The following PCDHGB1 variants were observed in gnomAD, a reference collection of about 807,000 sequenced individuals.
The protein encoded by PCDHGB1 is protocadherin gamma subfamily B, 1.
A neutral mutation model predicts 56.6 loss-of-function variants in PCDHGB1; 34 were observed. That is an observed-to-expected ratio of 0.60 (90% CI 0.46 to 0.80). PCDHGB1 has a LOEUF of 0.80. Among genes scored for constraint, PCDHGB1 ranks in the 30% least tolerant of loss-of-function variants. PCDHGB1 has a pLI of 0.00. For synonymous variants in PCDHGB1, 561 were observed against 505.9 expected, an observed-to-expected ratio of 1.11 and a Z score of -1.46; for missense variants, 1,278 against 1,204.6, an observed-to-expected ratio of 1.06 and a Z score of -0.90.
chr5:141,387,717 C>T (rs2091056709), intron 1 of PCDHGB1: 1 of 1,093,268 alleles, frequency 9.1e-7, no homozygotes, highest in African/African-American at 1.6e-5. Context: ...CCAGCTCAGA[C>T]TCCCCAGCGC....
rs560084217 is a variant in PCDHGB1 at position 141,395,247 on chromosome 5, G to A, written c.2409+42578G>A. On this transcript the variant is annotated intron_variant, in intron 1 of 3. Transcript: ENST00000523390. ...AGCTGATCATGGTCAGGTGAGTTTA[G>A]TTCTTTGCTTGCTTTTAATTTCCAG... 4 of 1,561,194 alleles carry A rather than the reference G, an allele frequency of 2.6e-6. No individual in the cohort carries two copies. The East Asian group carries it at 9.1e-5, about 35-fold the overall frequency.
rs1193457334 is a variant in PCDHGB1 at position 141,375,486 on chromosome 5, G to T, written c.2409+22817G>T. The T allele has an allele frequency of 5.0e-6, 8 of 1,613,914 alleles. No homozygotes were observed. Among genetic ancestry groups the T allele is most frequent in the Non-Finnish European group, 6.8e-6 (8 of 1,179,980 alleles). ...TATGTCCTTGAAAACAACCCCAGGG[G>T]TGCCTCCATCTTCTCTGTGAATGCA... is the stretch of plus-strand genomic sequence containing the variant. On this transcript the variant is annotated intron_variant, in intron 1 of 3. Coordinates refer to ENST00000523390, the MANE Select transcript of PCDHGB1 (RefSeq NM_018922.3).
chr5:141,392,615 C>A (rs2092564205), intron 1 of PCDHGB1: 1 of 536,798 alleles, frequency 1.9e-6, no homozygotes, highest in Non-Finnish European at 3.2e-6. Context: ...CAAATGCAAC[C>A]GAAAACACTC....
intron 2 of PCDHGB1, among the ~76,000 whole-genome samples, chr5:141,505,122 A>G (rs2099843899): frequency 6.6e-6 from 1 of 152,194 alleles, no homozygotes; most frequent in Non-Finnish European, 1.5e-5. Context: ...AGATCGCGCC[A>G]CTGCACTCCA....
intron 1 of PCDHGB1, chr5:141,414,677 A>AG: frequency 1.9e-6 from 3 of 1,613,794 alleles, no homozygotes; most frequent in South Asian, 2.2e-5. Flanking sequence ...GACACCATCC[A>AG]GGGGGTACCT....
intron 1 of PCDHGB1, chr5:141,403,095 T>A (rs754367041): frequency 6.2e-7 from 1 of 1,614,026 alleles, no homozygotes; most frequent in East Asian, 2.2e-5. Flanking sequence ...GTGGGCAACA[T>A]CTCCAAGGAC....
At chr5:141,389,562 G>C in intron 1 of PCDHGB1, 1 of 1,613,284 alleles carries the variant, frequency 6.2e-7, no homozygotes, top group Middle Eastern at 1.7e-4. Context: ...TGCGCCACGG[G>C]TGCTGTACCC....
At chr5:141,390,348 A>G in intron 1 of PCDHGB1, 1 of 1,572,378 alleles carries the variant, frequency 6.4e-7, no homozygotes, top group Middle Eastern at 1.7e-4. Flanking sequence ...ACAAGAAAAT[A>G]TACATATTTG....
At chr5:141,453,046 T>C (rs1561950003) in intron 1 of PCDHGB1, among the ~76,000 whole-genome samples, 1 of 152,186 alleles carries the variant, frequency 6.6e-6, no homozygotes, top group Non-Finnish European at 1.5e-5. Context: ...GTTTCTATTA[T>C]GTGCAGTTTT....
intron 1 of PCDHGB1, chr5:141,414,096 A>G (rs2095708665): frequency 1.9e-6 from 3 of 1,595,210 alleles, no homozygotes; most frequent in Middle Eastern, 3.3e-4. Context: ...AAATAAAAAT[A>G]TCAGAAAATC....
chr5:141,499,570 A>G (rs1027373056), intron 2 of PCDHGB1, among the ~76,000 whole-genome samples: 2 of 152,200 alleles, frequency 1.3e-5, no homozygotes, highest in African/African-American at 4.8e-5. Context: ...TCCAGCTTCA[A>G]CTAATGCCTT....
In PCDHGB1 at chr5:141,477,097, G is replaced by A; in HGVS notation, c.2410-17710G>A. ...AGATTTACATCCAGGCCAAAGACAAGGGCGCCAATCCCGAAGGAGCACATT... is the reference window on the plus strand; with the variant it reads ...AGATTTACATCCAGGCCAAAGACAAAGGCGCCAATCCCGAAGGAGCACATT... On this transcript the variant is annotated intron_variant, in intron 1 of 3. Transcript: ENST00000523390. This position sits in a 1 kb window ranked among gnomAD's most constrained non-coding sequence, Gnocchi z 4.9. 1 of 1,614,242 alleles carries A rather than the reference G, an allele frequency of 6.2e-7. No homozygotes were observed. Among genetic ancestry groups the A allele is most frequent in the South Asian group, 1.1e-5 (1 of 91,088 alleles).
chr5:141,469,283 T>C (rs576231993), intron 1 of PCDHGB1, among the ~76,000 whole-genome samples: 1 of 149,898 alleles, frequency 6.7e-6, no homozygotes, highest in African/African-American at 2.5e-5. Flanking sequence ...TCTCAAAAAA[T>C]AAAACAAAAT....
chr5:141,426,970 A>G (rs772659046), intron 1 of PCDHGB1: 1 of 456,742 alleles, frequency 2.2e-6, no homozygotes. Context: ...ATTCAAATTG[A>G]GGTCACTGAT....
At chr5:141,364,327 G>A (rs1433768344) in intron 1 of PCDHGB1, 9 of 1,529,608 alleles carry the variant, frequency 5.9e-6, no homozygotes, top group South Asian at 1.3e-5. Context: ...GCAGAGAGAA[G>A]GCAATGGCGA....
intron 1 of PCDHGB1, chr5:141,366,048 C>A (rs777611384): frequency 1.2e-6 from 2 of 1,614,144 alleles, no homozygotes; most frequent in Non-Finnish European, 1.7e-6. Flanking sequence ...GACGGTTCCA[C>A]GGGCGTGGAG....
At chr5:141,415,312 A>G (rs1245475147) in intron 1 of PCDHGB1, 1 of 1,614,222 alleles carries the variant, frequency 6.2e-7, no homozygotes, top group Non-Finnish European at 8.5e-7. Context: ...GGCCTTCGTC[A>G]TCGTGCTGCT....
In PCDHGB1 at chr5:141,432,002, G is replaced by A. The variant is rs781525225; in HGVS notation, c.2410-62805G>A. On this transcript the variant is annotated intron_variant, in intron 1 of 3. Transcript: ENST00000523390. This position sits in a 1 kb window ranked among gnomAD's most constrained non-coding sequence, Gnocchi z 6.0. ...AGACATAGTCTTGGATAGGGAACAG[G>A]TTCCTAGCTACAACATCACAGTGAC... The A allele has an allele frequency of 1.9e-6, 3 of 1,614,186 alleles. No homozygotes were observed. In the South Asian group the frequency reaches 3.3e-5, roughly 18 times the overall value.
intron 1 of PCDHGB1, among the ~76,000 whole-genome samples, chr5:141,354,850 CATTGCAA>C (rs1018068182): frequency 3.3e-5 from 5 of 152,230 alleles, no homozygotes; most frequent in Admixed American, 3.3e-4. Flanking sequence ...CTTGAATTTT[CATTGCAA>C]ATCAAAAACA....
Sources: allele counts gnomAD v4.1 joint callset (sites outside exome capture counted in the v4.1 genomes callset), GRCh38; gene constraint gnomAD v4.1.1; non-coding constraint Gnocchi (gnomAD v3.1); transcripts MANE v1.5; gene names NCBI Gene and HGNC (gene_info 2026-07-23, HGNC 2026-07-21).